The following EYS variants were observed in gnomAD, a reference collection of about 807,000 sequenced individuals.
The protein encoded by EYS is EGF-like photoreceptor maintenance factor.
EYS carries 250 observed loss-of-function variants against 282.1 expected under a neutral mutation model. The ratio of observed to expected loss-of-function variants is 0.89; its 90% CI spans 0.80 to 0.98. The LOEUF (loss-of-function observed/expected upper bound fraction) is 0.98, where lower values mean the gene tolerates loss of function less well. EYS is among the 50% of genes least tolerant of loss of function. EYS has a pLI of 0.00. For missense variants in EYS, 4,016 were observed against 3,709.0 expected, an observed-to-expected ratio of 1.08 and a Z score of -2.15; for synonymous variants, 1,355 against 1,282.9, an observed-to-expected ratio of 1.06 and a Z score of -1.20.
rs558865578 is a variant in EYS at position 64,451,375 on chromosome 6, C to T, written c.5645-12023G>A. ...AATTCAGGCAATAATTAATAGCTTA[C>T]CAACCAAAAAAAGTGCAGGACCAGA... On this transcript the variant is annotated intron_variant, in intron 26 of 42. Transcript: ENST00000503581. Among the ~76,000 whole-genome samples the T allele has an allele frequency of 4.6e-5, 7 of 152,170 alleles. No individual in the cohort carries two copies. The East Asian group carries it at 1.4e-3, about 29-fold the overall frequency.
chr6:64,252,481 C>G (rs770710371), intron 30 of EYS, among the ~76,000 whole-genome samples: 1 of 152,102 alleles, frequency 6.6e-6, no homozygotes, highest in Non-Finnish European at 1.5e-5. Context: ...TCATCATAGT[C>G]AGGGTGATCA....
chr6:64,448,214 G>A (rs570111435), intron 26 of EYS, among the ~76,000 whole-genome samples: 12 of 152,336 alleles, frequency 7.9e-5, no homozygotes, highest in African/African-American at 2.9e-4. Flanking sequence ...ATTATATCCC[G>A]CAGGTGGCTC....
chr6:64,306,959 T>C lies in EYS; in HGVS notation c.6191+11A>G. On this transcript the variant is annotated intron_variant, in intron 30 of 42. Coordinates refer to ENST00000503581, the MANE Select transcript of EYS (RefSeq NM_001142800.2). ...AACAAGTTATTAGAAAAATCACTAC[T>C]GCTATTTTACCTGCAATTGTTAATG... 8.0e-7 allele frequency: 1 copy of C among 1,257,150 alleles called. No homozygotes were observed. The highest frequency in any genetic ancestry group is 1.3e-5 in the South Asian group (1 of 76,966). 77.9% of individuals were successfully genotyped at this position (1,257,150 alleles called of 1,614,324 possible). A position where few individuals can be genotyped will look rare whatever the true frequency, so the allele number is the denominator to read the frequency against.
chr6:65,274,536 C>G (rs1184564144), intron 12 of EYS, among the ~76,000 whole-genome samples: 1 of 152,162 alleles, frequency 6.6e-6, no homozygotes, highest in African/African-American at 2.4e-5. Context: ...TAAGGACCAC[C>G]AGAAGTAGTT....
intron 12 of EYS, among the ~76,000 whole-genome samples, chr6:65,101,127 T>C (rs930376653): frequency 6.6e-6 from 1 of 151,224 alleles, no homozygotes; most frequent in Admixed American, 6.6e-5. Flanking sequence ...TCAAAAGGAA[T>C]GATTCTGGGG....
At chr6:65,024,585 A>C (rs2150140361) in intron 13 of EYS, among the ~76,000 whole-genome samples, 1 of 150,918 alleles carries the variant, frequency 6.6e-6, no homozygotes, top group East Asian at 1.9e-4. Flanking sequence ...TTTTTGTTTA[A>C]CTTGAAGATA....
At chr6:64,503,126 C>A (rs1235950385) in intron 26 of EYS, among the ~76,000 whole-genome samples, 1 of 152,156 alleles carries the variant, frequency 6.6e-6, no homozygotes, top group East Asian at 1.9e-4. Context: ...TCAAAATTTG[C>A]AATTTTCTTT....
intron 31 of EYS, among the ~76,000 whole-genome samples, chr6:64,167,094 G>A (rs1764313250): frequency 6.6e-6 from 1 of 152,200 alleles, no homozygotes; most frequent in Admixed American, 6.5e-5. Flanking sequence ...GATAGAAGAA[G>A]TGAGAAAGAT....
chr6:65,182,047 G>A (rs186700600), intron 12 of EYS, among the ~76,000 whole-genome samples: 18 of 151,914 alleles, frequency 1.2e-4, no homozygotes, highest in Middle Eastern at 3.4e-3. Flanking sequence ...ATCACACACC[G>A]GGGCCTGTTT....
chr6:65,607,716 C>G (rs919484480), intron 2 of EYS, among the ~76,000 whole-genome samples: 1 of 151,860 alleles, frequency 6.6e-6, no homozygotes, highest in African/African-American at 2.4e-5. Flanking sequence ...TCTCAGCGAA[C>G]AGAATGGAGT....
chr6:64,372,040 A>G (rs1403431788), intron 29 of EYS, among the ~76,000 whole-genome samples: 1 of 150,026 alleles, frequency 6.7e-6, no homozygotes, highest in African/African-American at 2.4e-5. Context: ...TGACATGTGC[A>G]GATTTGATCT....
intron 22 of EYS, among the ~76,000 whole-genome samples, chr6:64,742,048 C>T (rs1772392154): frequency 6.6e-6 from 1 of 152,194 alleles, no homozygotes. Flanking sequence ...CCTGTCTTGA[C>T]TTTCCATATG....
At chr6:64,055,581 T>A (rs1049221562) in intron 33 of EYS, among the ~76,000 whole-genome samples, 1 of 152,178 alleles carries the variant, frequency 6.6e-6, no homozygotes, top group Non-Finnish European at 1.5e-5. Context: ...TTTTGTTCTA[T>A]ACCCAGGTAT....
chr6:65,168,455 T>C (rs928840825), intron 12 of EYS, among the ~76,000 whole-genome samples: 6 of 151,296 alleles, frequency 4.0e-5, no homozygotes, highest in Non-Finnish European at 8.9e-5. Context: ...CAAGGTGTGG[T>C]ATAGGCCTCC....
chr6:64,856,388 C>T (rs1456461031), intron 19 of EYS, among the ~76,000 whole-genome samples: 1 of 152,142 alleles, frequency 6.6e-6, no homozygotes, highest in African/African-American at 2.4e-5. Flanking sequence ...GCATGCTCAA[C>T]TTCCCAGGCT....
At chr6:63,983,120 C>T (rs1307087169) in intron 35 of EYS, among the ~76,000 whole-genome samples, 2 of 151,736 alleles carry the variant, frequency 1.3e-5, no homozygotes, top group South Asian at 2.1e-4. Context: ...AGATAACGTT[C>T]ACTCTTAGCC....
At chr6:63,922,447 C>T (rs1258427430) in intron 35 of EYS, among the ~76,000 whole-genome samples, 2 of 152,046 alleles carry the variant, frequency 1.3e-5, no homozygotes, top group African/African-American at 4.8e-5. Context: ...CCTGTAATCC[C>T]AACTACTTGG....
rs1015264494 is a variant in EYS at position 64,762,584 on chromosome 6, G to A, written c.3443+50794C>T. 9.9e-5 allele frequency among the ~76,000 whole-genome samples: 15 copies of A among 151,854 alleles called. 1 individual carries two copies. The highest frequency in any genetic ancestry group is 6.3e-3 in the Middle Eastern group (2 of 316). On this transcript the variant is annotated intron_variant, in intron 22 of 42. Coordinates refer to ENST00000503581, the MANE Select transcript of EYS (RefSeq NM_001142800.2). Reference sequence around the variant, plus strand: ...TTTCTTTTTTTCTGTTGTATTTCTTGCTTTCTCCACACAGAGAAGAGCGCA... The same window carrying A: ...TTTCTTTTTTTCTGTTGTATTTCTTACTTTCTCCACACAGAGAAGAGCGCA...
intron 14 of EYS, among the ~76,000 whole-genome samples, chr6:64,948,034 A>C (rs1769350309): frequency 6.6e-6 from 1 of 151,868 alleles, no homozygotes; most frequent in Non-Finnish European, 1.5e-5. Flanking sequence ...AAAAGCTAAT[A>C]ACTATTGGTA....
Sources: allele counts gnomAD v4.1 joint callset (sites outside exome capture counted in the v4.1 genomes callset), GRCh38; gene constraint gnomAD v4.1.1; transcripts MANE v1.5; gene names NCBI Gene and HGNC (gene_info 2026-07-23, HGNC 2026-07-21).